Variants in NDRG1 observed in about 807,000 individuals in gnomAD.
NDRG1 encodes the protein protein NDRG1.
A neutral mutation model predicts 56.9 loss-of-function variants in NDRG1; 32 were observed. That is an observed-to-expected ratio of 0.56 (90% confidence interval 0.42 to 0.76). The LOEUF is 0.76. NDRG1 is among the 30% of genes least tolerant of loss of function. The pLI is 0.00. For synonymous variants in NDRG1, 211 were observed against 204.1 expected, an observed-to-expected ratio of 1.03 and a Z score of -0.29; for missense variants, 507 against 545.7, an observed-to-expected ratio of 0.93 and a Z score of 0.71.
chr8:133,261,566 G>A (rs984846421), intron 5 of NDRG1, among the ~76,000 whole-genome samples: 1 of 152,178 alleles, frequency 6.6e-6, no homozygotes, highest in African/African-American at 2.4e-5. Flanking sequence ...AAATGATGAA[G>A]CCTAGCCCAC....
At chr8:133,264,952 C>T in intron 3 of NDRG1, 1 of 440,554 alleles carries the variant, frequency 2.3e-6, no homozygotes, top group East Asian at 4.6e-5. Flanking sequence ...TTTGCTCCAT[C>T]TGGAAAACAG....
At chr8:133,257,316 C>CACACACACACAG (rs756183850) in intron 7 of NDRG1, among the ~76,000 whole-genome samples, 29 of 129,736 alleles carry the variant, frequency 2.2e-4, no homozygotes, top group African/African-American at 4.6e-4. Flanking sequence ...CACACACACA[C>CACACACACACAG]AGAGAGAGAG....
Position 133,262,102 on chromosome 8 carries a change from C to T in NDRG1, c.271G>A (p.Val91Ile), listed in dbSNP as rs781433633. Residue 91 changes from valine (V) to isoleucine (I), a missense_variant, in exon 5 of 16, where the codon GTC becomes ATC. By Grantham distance (29) the Val-to-Ile change is conservative. Coordinates refer to ENST00000323851, the MANE Select transcript of NDRG1 (RefSeq NM_006096.4). ...TGGCCAGGGGCGTCCACGTGGCAGA[C>T]GGCAAAGTGCTGGGTGATCTCCTGC... ...DMQEITQHFA[V>I]CHVDAPGQQD... 22 of 1,614,048 alleles carry T rather than the reference C, an allele frequency of 1.4e-5. No individual in the cohort carries two copies. The highest frequency in any genetic ancestry group is 6.6e-5 in the South Asian group (6 of 91,070).
intron 1 of NDRG1, among the ~76,000 whole-genome samples, chr8:133,285,747 A>G (rs79149598): frequency 0.015 from 2,243 of 152,258 alleles, 63 homozygotes; most frequent in African/African-American, 0.051. Flanking sequence ...ATGGCTTTAT[A>G]CAGACTTTGG....
intron 3 of NDRG1, 42 bp downstream of exon 3, chr8:133,280,190 A>C: frequency 6.2e-7 from 1 of 1,609,058 alleles, no homozygotes; most frequent in South Asian, 1.1e-5. Context: ...AAAAGAGAAG[A>C]CGGGATGAGG....
In NDRG1 at chr8:133,247,946, A is replaced by T; in HGVS notation, c.756-20T>A. ...GGGCACCTGGGGTCAGGGATAGAGC[A>T]GAGAATTAGCACAAGGTTCCTTTAA... On this transcript the variant is annotated intron_variant, in intron 11 of 15. Coordinates refer to ENST00000323851, the MANE Select transcript of NDRG1 (RefSeq NM_006096.4). 1 of 1,613,446 alleles carries T rather than the reference A, an allele frequency of 6.2e-7. No individual in the cohort carries two copies. Among genetic ancestry groups the T allele is most frequent in the Non-Finnish European group, 8.5e-7 (1 of 1,179,608 alleles).
chr8:133,253,693 A>G (rs188820859), intron 9 of NDRG1, among the ~76,000 whole-genome samples: 1 of 152,306 alleles, frequency 6.6e-6, no homozygotes, highest in Admixed American at 6.5e-5. Context: ...CAGCACTAAA[A>G]AGGAATAAAC....
intron 9 of NDRG1, among the ~76,000 whole-genome samples, chr8:133,252,306 G>C (rs1856096746): frequency 6.6e-6 from 1 of 152,128 alleles, no homozygotes; most frequent in South Asian, 2.1e-4. Context: ...TGTTGGCCAG[G>C]CTCGTCTCGA....
At chr8:133,239,362 T>A in intron 15 of NDRG1, 1 of 640,234 alleles carries the variant, frequency 1.6e-6, no homozygotes, top group Non-Finnish European at 2.7e-6. Flanking sequence ...CAGATCTGGG[T>A]CTGAACCCCA....
At chr8:133,290,817 G>A (rs1025821529) in intron 1 of NDRG1, among the ~76,000 whole-genome samples, 9 of 152,136 alleles carry the variant, frequency 5.9e-5, no homozygotes, top group Non-Finnish European at 5.9e-5. Flanking sequence ...ACCTTCCTAA[G>A]ACGGCCAACT....
chr8:133,296,250 G>A (rs1858748021), intron 1 of NDRG1, among the ~76,000 whole-genome samples: 1 of 150,618 alleles, frequency 6.6e-6, no homozygotes, highest in African/African-American at 2.4e-5. Flanking sequence ...AGAGGCAGGG[G>A]AGGGGAGGAA....
intron 3 of NDRG1, among the ~76,000 whole-genome samples, chr8:133,272,383 A>T (rs1276991268): frequency 6.6e-6 from 1 of 152,148 alleles, no homozygotes; most frequent in African/African-American, 2.4e-5. Flanking sequence ...TGCTGTGTGC[A>T]TTCAGTGTTT....
rs778982295 is a variant in NDRG1, at chr8:133,242,018, C to A, written c.943+5G>T. 1 of 1,614,224 alleles carries A rather than the reference C, an allele frequency of 6.2e-7. No homozygotes were observed. Among genetic ancestry groups the A allele is most frequent in the Admixed American group, 1.7e-5 (1 of 60,032 alleles). ...CCCACTGCACACGGGGAATGCCATA[C>A]TCACTGTATCCCATGCCCTGCACGA... On this transcript the variant is annotated splice_donor_5th_base_variant and intron_variant, in intron 15 of 15. Coordinates refer to ENST00000323851, the MANE Select transcript of NDRG1 (RefSeq NM_006096.4).
At chr8:133,270,318 G>C (rs948665695) in intron 3 of NDRG1, among the ~76,000 whole-genome samples, 46 of 152,226 alleles carry the variant, frequency 3.0e-4, no homozygotes, top group African/African-American at 1.1e-3. Context: ...ACCCTGGCTT[G>C]GGAGCTTTAA....
At chr8:133,269,463 A>G (rs1170338326) in intron 3 of NDRG1, among the ~76,000 whole-genome samples, 1 of 152,224 alleles carries the variant, frequency 6.6e-6, no homozygotes, top group Non-Finnish European at 1.5e-5. Context: ...ATAAACAGCC[A>G]CTGCATCTTA....
At chr8:133,265,101 C>T (rs1238738576) in intron 3 of NDRG1, 4 of 252,194 alleles carry the variant, frequency 1.6e-5, no homozygotes, top group Non-Finnish European at 3.2e-5. Context: ...CCTCAGTTTC[C>T]TTCAGGAACC....
chr8:133,269,054 CACT>C (rs1857061772), intron 3 of NDRG1, among the ~76,000 whole-genome samples: 2 of 152,374 alleles, frequency 1.3e-5, no homozygotes, highest in South Asian at 4.1e-4. Flanking sequence ...GGGGATCAAT[CACT>C]CAGTGTTCTG....
chr8:133,243,725 C>CA (rs1855508625), intron 14 of NDRG1, among the ~76,000 whole-genome samples: 2 of 152,050 alleles, frequency 1.3e-5, no homozygotes, highest in East Asian at 1.9e-4. Context: ...AAAAAGATGA[C>CA]AAAAAACTCT....
At chr8:133,280,483 G>A (rs1857733815) in intron 2 of NDRG1, among the ~76,000 whole-genome samples, 1 of 151,068 alleles carries the variant, frequency 6.6e-6, no homozygotes, top group Non-Finnish European at 1.5e-5. Flanking sequence ...GAGTACAGTG[G>A]TGTGATCGCA....
Sources: allele counts gnomAD v4.1 joint callset (sites outside exome capture counted in the v4.1 genomes callset), GRCh38; gene constraint gnomAD v4.1.1; transcripts MANE v1.5; gene names NCBI Gene and HGNC (gene_info 2026-07-23, HGNC 2026-07-21).